The following TMOD1 variants were observed in gnomAD, a reference collection of about 807,000 sequenced individuals.
TMOD1 encodes the protein tropomodulin 1.
Under a neutral mutation model 40.6 loss-of-function variants are expected in TMOD1, and 17 were observed. That is an observed-to-expected ratio of 0.42 (90% CI 0.29 to 0.63). The LOEUF (loss-of-function observed/expected upper bound fraction) is 0.63. Among genes scored for constraint, TMOD1 ranks in the 20% least tolerant of loss-of-function variants. The pLI is 0.22. For missense variants in TMOD1, 391 were observed against 447.6 expected (o/e 0.87, Z 1.14); for synonymous variants, 181 against 175.0 (o/e 1.03, Z -0.27).
intron 3 of TMOD1, among the ~76,000 whole-genome samples, chr9:97,548,814 T>C (rs1830407110): frequency 6.6e-6 from 1 of 152,156 alleles, no homozygotes; most frequent in South Asian, 2.1e-4. Context: ...ATCATCATCA[T>C]CTTGGAGTAT....
Position 97,599,514 on chromosome 9 carries a change from G to A in TMOD1, c.1016-120G>A, listed in dbSNP as rs1038570784. ...CACATACTGTCCTTTCAAAACAACA[G>A]ACTTCAGACTCTGTTAACAAACCAA... On this transcript the variant is annotated intron_variant, in intron 9 of 9. Coordinates refer to ENST00000259365, the MANE Select transcript of TMOD1 (RefSeq NM_003275.4). 4 of 1,259,330 alleles carry A rather than the reference G, an allele frequency of 3.2e-6. No individual in the cohort carries two copies. In the African/African-American group the frequency reaches 5.9e-5, roughly 19 times the overall value. The allele number at this position is 1,259,330 out of a possible 1,614,324, so 78.0% of individuals were successfully genotyped here.
intron 3 of TMOD1, 132 bp downstream of exon 3, chr9:97,546,473 C>G: frequency 2.3e-6 from 2 of 875,986 alleles, no homozygotes; most frequent in African/African-American, 1.7e-5. Context: ...CCCTGCCTGG[C>G]CAAAACACCC....
chr9:97,505,704 C>T (rs1174707058), intron 1 of TMOD1, among the ~76,000 whole-genome samples: 2 of 152,164 alleles, frequency 1.3e-5, no homozygotes, highest in Non-Finnish European at 2.9e-5. Context: ...CATCTATAGA[C>T]ATCTCTGCCT....
chr9:97,542,785 A>G (rs28535903), intron 2 of TMOD1, among the ~76,000 whole-genome samples: 7,567 of 150,898 alleles, frequency 0.05, 196 homozygotes, highest in East Asian at 0.068. Flanking sequence ...GGGAGGCAGA[A>G]GTTGCAGTGA....
At chr9:97,531,761 C>T (rs886668450) in intron 2 of TMOD1, among the ~76,000 whole-genome samples, 5 of 152,136 alleles carry the variant, frequency 3.3e-5, no homozygotes. Flanking sequence ...GTAGAGAAAG[C>T]CTGATTTTGG....
intron 2 of TMOD1, among the ~76,000 whole-genome samples, chr9:97,526,034 C>T (rs527487777): frequency 4.1e-4 from 63 of 152,214 alleles, no homozygotes; most frequent in African/African-American, 1.2e-3. Flanking sequence ...AAATGGCATC[C>T]GCAATTGCCC....
intron 9 of TMOD1, 105 bp from the exon 10 acceptor site, chr9:97,599,529 T>TAACA: frequency 6.9e-7 from 1 of 1,446,136 alleles, no homozygotes; most frequent in South Asian, 1.2e-5. Flanking sequence ...CAGACTCTGT[T>TAACA]AACAAACCAA....
chr9:97,541,244 T>C (rs1830271039), intron 2 of TMOD1, among the ~76,000 whole-genome samples: 1 of 152,148 alleles, frequency 6.6e-6, no homozygotes, highest in Admixed American at 6.5e-5. Context: ...CTGGAGTGCA[T>C]TGGCACAATC....
At chr9:97,560,418 A>G (rs7869116) in intron 4 of TMOD1, among the ~76,000 whole-genome samples, 1 of 151,674 alleles carries the variant, frequency 6.6e-6, no homozygotes, top group African/African-American at 2.4e-5. Context: ...ATACAGTATG[A>G]TCAATTGAAT....
chr9:97,574,571 G>A (rs1762502966), intron 8 of TMOD1, among the ~76,000 whole-genome samples: 1 of 152,256 alleles, frequency 6.6e-6, no homozygotes, highest in Non-Finnish European at 1.5e-5. Context: ...CGCAGGGCGC[G>A]GGACTGGCAG....
chr9:97,579,217 C>T (rs1294152278), intron 8 of TMOD1, among the ~76,000 whole-genome samples: 2 of 152,166 alleles, frequency 1.3e-5, no homozygotes, highest in African/African-American at 2.4e-5. Flanking sequence ...AGCTGCAATT[C>T]GTGCTTGTCC....
intron 3 of TMOD1, among the ~76,000 whole-genome samples, chr9:97,546,664 G>A (rs1830364427): frequency 6.6e-6 from 1 of 152,142 alleles, no homozygotes; most frequent in African/African-American, 2.4e-5. Context: ...AGAAGAAACT[G>A]TTAATAACGA....
At chr9:97,504,650 T>A (rs1829562779) in intron 1 of TMOD1, among the ~76,000 whole-genome samples, 1 of 152,194 alleles carries the variant, frequency 6.6e-6, no homozygotes, top group Non-Finnish European at 1.5e-5. Context: ...CAGACCCCTA[T>A]GTCTCTGGCA....
intron 8 of TMOD1, among the ~76,000 whole-genome samples, chr9:97,585,941 T>G (rs1825862641): frequency 6.9e-6 from 1 of 144,984 alleles, no homozygotes; most frequent in Non-Finnish European, 1.5e-5. Flanking sequence ...TTCTTTGCCT[T>G]TGGTCTGAAT....
rs148766668 is a variant in TMOD1 at position 97,512,197 on chromosome 9, G to A, written c.-49+10394G>A. Among the ~76,000 whole-genome samples the A allele has an allele frequency of 4.1e-3, 629 of 152,324 alleles. 2 individuals carry two copies. Among genetic ancestry groups the A allele is most frequent in the Admixed American group, 7.8e-3 (119 of 15,298 alleles). On this transcript the variant is annotated intron_variant, in intron 1 of 9. Transcript: ENST00000259365. ...TAAAATGTGCTCAGCATCATTAGTC[G>A]TCAGGGAAATGCACAATGAGTTCCC...
At chr9:97,509,026 A>G (rs115710938) in intron 1 of TMOD1, among the ~76,000 whole-genome samples, 1 of 152,146 alleles carries the variant, frequency 6.6e-6, no homozygotes, top group African/African-American at 2.4e-5. Flanking sequence ...ACTGTCAGGG[A>G]TGGCCAGCAG....
At chr9:97,537,716 T>C (rs904838576) in intron 2 of TMOD1, among the ~76,000 whole-genome samples, 1 of 152,226 alleles carries the variant, frequency 6.6e-6, no homozygotes, top group African/African-American at 2.4e-5. Context: ...TCTATAGTCA[T>C]TTTCAAGAAC....
intron 4 of TMOD1, chr9:97,555,354 C>G (rs2131257196): frequency 8.2e-7 from 1 of 1,221,198 alleles, no homozygotes; most frequent in East Asian, 4.7e-5. Flanking sequence ...ACTTTCTCCT[C>G]CAATCACGCT....
Position 97,549,708 on chromosome 9 carries a change from A to C in TMOD1, c.277+3367A>C, listed in dbSNP as rs1830418557. Among the ~76,000 whole-genome samples, 3 of 152,154 alleles carry C rather than the reference A, an allele frequency of 2.0e-5. No homozygotes were observed. The South Asian group carries it at 6.2e-4, about 32-fold the overall frequency. On this transcript the variant is annotated intron_variant, in intron 3 of 9. Coordinates refer to ENST00000259365, the MANE Select transcript of TMOD1 (RefSeq NM_003275.4). ...GATTCACAATCATTTCCTCACTGAA[A>C]ATAAGCACTGATCCCATTTTAGGGA...
Sources: gnomAD v4.1 joint callset for allele counts (sites outside exome capture counted in the v4.1 genomes callset) on GRCh38, gnomAD v4.1.1 for gene constraint, MANE v1.5 for transcripts, NCBI Gene and HGNC (gene_info 2026-07-23, HGNC 2026-07-21) for gene names.